Variants in KCNQ1OT1 observed in about 807,000 individuals in gnomAD.
KCNQ1OT1 encodes the protein KCNQ1 opposite strand/antisense transcript 1.
In KCNQ1OT1 at chr11:2,683,110, A is replaced by G. The variant is rs758537966; in HGVS notation, n.16885T>C. 2.7e-6 allele frequency: 1 copy of G among 375,362 alleles called. No homozygotes were observed. The highest frequency in any genetic ancestry group is 4.5e-6 in the Non-Finnish European group (1 of 221,898). The allele number at this position is 375,362 out of a possible 1,614,324, so 23.3% of individuals were successfully genotyped here. A position where few individuals can be genotyped will look rare whatever the true frequency, so the allele number is the denominator to read the frequency against. On this transcript the variant is annotated non_coding_transcript_exon_variant, in exon 1 of 1. Transcript: ENST00000597346. This position sits in a 1 kb window ranked among gnomAD's most constrained non-coding sequence, Gnocchi z 4.7. ...CTTCAGATTTTCTTGTTCCCAGGAT[A>G]TATCGCACCAACTCAGGAGGGTGTG...
At position 2,611,103 on chromosome 11, in the gene KCNQ1OT1, T is replaced by C. The variant is rs1848973802; in HGVS notation, n.88892A>G. On this transcript the variant is annotated non_coding_transcript_exon_variant, in exon 1 of 1. Transcript: ENST00000597346. The surrounding 1 kb of genome is among the most constrained non-coding windows in gnomAD (Gnocchi z 5.3). ...TTATAAATTTTTATTTCTTTATGAC[T>C]TCTGTTTATGATTTCTATTTCTTCC... The C allele has an allele frequency of 2.0e-5, 8 of 398,564 alleles. No individual in the cohort carries two copies. The highest frequency in any genetic ancestry group is 2.2e-5 in the Non-Finnish European group (5 of 226,028). The allele number at this position is 398,564 out of a possible 1,614,324, so 24.7% of individuals were successfully genotyped here. A position where few individuals can be genotyped will look rare whatever the true frequency, so the allele number is the denominator to read the frequency against.
chr11:2,631,368 G>A, exon 1 of KCNQ1OT1: 1 of 398,088 alleles, frequency 2.5e-6, no homozygotes, highest in East Asian at 3.6e-5. Context: ...GTCTGCTGCT[G>A]ATGCTTTCTA....
chr11:2,672,973 T>G, exon 1 of KCNQ1OT1: 1 of 398,774 alleles, frequency 2.5e-6, no homozygotes, highest in Non-Finnish European at 4.4e-6. Flanking sequence ...CTGAGTCCCC[T>G]GCAGGCCTTG....
chr11:2,687,248 C>A lies in KCNQ1OT1; in HGVS notation n.12747G>T. On this transcript the variant is annotated non_coding_transcript_exon_variant, in exon 1 of 1. Coordinates refer to ENST00000597346, the Ensembl canonical transcript of KCNQ1OT1. The surrounding 1 kb of genome is among the most constrained non-coding windows in gnomAD (Gnocchi z 5.0). ...AATTTTCACTCAGCCAGCATCACTA[C>A]CAGCTCCGGGCTTCTCTCCTCTGGC... 2.5e-6 allele frequency: 1 copy of A among 398,662 alleles called. No homozygotes were observed. The allele number at this position is 398,662 out of a possible 1,614,324, so 24.7% of individuals were successfully genotyped here. A position where few individuals can be genotyped will look rare whatever the true frequency, so the allele number is the denominator to read the frequency against.
Position 2,653,452 on chromosome 11 carries a change from G to A in KCNQ1OT1, n.46543C>T, listed in dbSNP as rs1044364080. ...TTAAGCACAAAAGGGACATTTTTTG[G>A]CTCACACAGCTGGACCCAGCTGTTT... On this transcript the variant is annotated non_coding_transcript_exon_variant, in exon 1 of 1. Transcript: ENST00000597346. This position sits in a 1 kb window ranked among gnomAD's most constrained non-coding sequence, Gnocchi z 5.3. The A allele has an allele frequency of 2.3e-5, 9 of 398,376 alleles. No homozygotes were observed. The East Asian group carries it at 3.2e-4, about 14-fold the overall frequency. 24.7% of individuals were successfully genotyped at this position (398,376 alleles called of 1,614,324 possible). A position where few individuals can be genotyped will look rare whatever the true frequency, so the allele number is the denominator to read the frequency against.
chr11:2,633,585 A>T (rs1849399783), exon 1 of KCNQ1OT1: 1 of 398,396 alleles, frequency 2.5e-6, no homozygotes, highest in Non-Finnish European at 4.4e-6. Flanking sequence ...TCTGCATATG[A>T]TATCCTGTTT....
In KCNQ1OT1 at chr11:2,661,636, A is replaced by T; in HGVS notation, n.38359T>A. 1.7e-6 allele frequency: 1 copy of T among 590,982 alleles called. No homozygotes were observed. The highest frequency in any genetic ancestry group is 3.0e-6 in the Non-Finnish European group (1 of 331,728). 36.6% of individuals were successfully genotyped at this position (590,982 alleles called of 1,614,324 possible). A position where few individuals can be genotyped will look rare whatever the true frequency, so the allele number is the denominator to read the frequency against. ...TCACCTCTGTTTTATTCTTGACCCA[A>T]GTGTCAGTTGTGAACATGGGAAGAG... is the stretch of plus-strand genomic sequence containing the variant. On this transcript the variant is annotated non_coding_transcript_exon_variant, in exon 1 of 1. Coordinates refer to ENST00000597346, the Ensembl canonical transcript of KCNQ1OT1. This position sits in a 1 kb window ranked among gnomAD's most constrained non-coding sequence, Gnocchi z 5.9.
In KCNQ1OT1 at chr11:2,676,363, G is replaced by A. The variant is rs985963233; in HGVS notation, n.23632C>T. 5.0e-6 allele frequency: 2 copies of A among 398,690 alleles called. No individual in the cohort carries two copies. The highest frequency in any genetic ancestry group is 1.3e-4 in the South Asian group (1 of 7,862). 24.7% of individuals were successfully genotyped at this position (398,690 alleles called of 1,614,324 possible). ...CTGTTTTCTCATGGTTGGGCTTCCAGTATAATTGGAAGGAGCATAGTCTCT... is the reference window on the plus strand; with the variant it reads ...CTGTTTTCTCATGGTTGGGCTTCCAATATAATTGGAAGGAGCATAGTCTCT... On this transcript the variant is annotated non_coding_transcript_exon_variant, in exon 1 of 1. Transcript: ENST00000597346. This position sits in a 1 kb window ranked among gnomAD's most constrained non-coding sequence, Gnocchi z 4.2.
Position 2,652,880 on chromosome 11 carries a change from T to C in KCNQ1OT1, n.47115A>G. The C allele has an allele frequency of 2.5e-6, 1 of 398,624 alleles. No individual in the cohort carries two copies. The highest frequency in any genetic ancestry group is 4.4e-6 in the Non-Finnish European group (1 of 226,106). The allele number at this position is 398,624 out of a possible 1,614,324, so 24.7% of individuals were successfully genotyped here. ...TATACTTATTCTAAGGAGAAGTGTT[T>C]GGGGTGTGGGGTGTGGTCCTCAGTA... is the stretch of plus-strand genomic sequence containing the variant. On this transcript the variant is annotated non_coding_transcript_exon_variant, in exon 1 of 1. Transcript: ENST00000597346. This position sits in a 1 kb window ranked among gnomAD's most constrained non-coding sequence, Gnocchi z 5.9.
chr11:2,622,274 A>T, exon 1 of KCNQ1OT1: 1 of 398,370 alleles, frequency 2.5e-6, no homozygotes, highest in Non-Finnish European at 4.4e-6. Flanking sequence ...AGTCTTGAGT[A>T]ATTTTCCATT....
At chr11:2,610,433 A>G (rs1057142858) in exon 1 of KCNQ1OT1, 11 of 398,234 alleles carry the variant, frequency 2.8e-5, no homozygotes, top group African/African-American at 4.1e-5. Flanking sequence ...ACCTCCTTAT[A>G]TCATATATTT....
chr11:2,699,445 ACTGAGGAGCCGCCGGGAGAGTGCCGCG>A lies in KCNQ1OT1; in HGVS notation n.523_549del, dbSNP rs1374460624. 165 of 402,264 alleles carry A rather than the reference ACTGAGGAGCCGCCGGGAGAGTGCCGCG, an allele frequency of 4.1e-4. 1 individual carries two copies. Among genetic ancestry groups the A allele is most frequent in the Non-Finnish European group, 6.5e-4 (150 of 230,876 alleles). The allele number at this position is 402,264 out of a possible 1,614,324, so 24.9% of individuals were successfully genotyped here. ...GCTGAGGAGAGTCTGGGAGAACCGC[ACTGAGGAGCCGCCGGGAGAGTGCCGCG>A]CTGAGGAGCCCCCGGGGAGAGTGCC... On this transcript the variant is annotated non_coding_transcript_exon_variant, in exon 1 of 1. Coordinates refer to ENST00000597346, the Ensembl canonical transcript of KCNQ1OT1.
rs1041841268 is a variant in KCNQ1OT1, at chr11:2,608,750, A to G, written n.91245T>C. 3 of 398,472 alleles carry G rather than the reference A, an allele frequency of 7.5e-6. No homozygotes were observed. Among genetic ancestry groups the G allele is most frequent in the African/African-American group, 6.2e-5 (3 of 48,592 alleles). The allele number at this position is 398,472 out of a possible 1,614,324, so 24.7% of individuals were successfully genotyped here. ...GCAATTCTCCTGCCTTGGCCTCCCA[A>G]AGTGCTGGGATTACAGGTGTGAGCC... is the stretch of plus-strand genomic sequence containing the variant. On this transcript the variant is annotated non_coding_transcript_exon_variant, in exon 1 of 1. Transcript: ENST00000597346. The surrounding 1 kb of genome is among the most constrained non-coding windows in gnomAD (Gnocchi z 4.6).
Position 2,683,287 on chromosome 11 carries a change from T to C in KCNQ1OT1, n.16708A>G. On this transcript the variant is annotated non_coding_transcript_exon_variant, in exon 1 of 1. Transcript: ENST00000597346. The surrounding 1 kb of genome is among the most constrained non-coding windows in gnomAD (Gnocchi z 4.7). ...TCAGCCTGAGTATGGGCAATGGCGT[T>C]TTAGTTTGCAAAACCAGACACATAG... 2.5e-6 allele frequency: 1 copy of C among 398,530 alleles called. No individual in the cohort carries two copies. The highest frequency in any genetic ancestry group is 3.6e-5 in the East Asian group (1 of 28,064). 24.7% of individuals were successfully genotyped at this position (398,530 alleles called of 1,614,324 possible).
rs1850716902 is a variant in KCNQ1OT1, at chr11:2,698,589, C to T, written n.1406G>A. Reference sequence around the variant, plus strand: ...CTGACTCAGAATCCCCACCTAGAGGCAGAACTTCGACTTCAATTCCTGACT... The same window carrying T: ...CTGACTCAGAATCCCCACCTAGAGGTAGAACTTCGACTTCAATTCCTGACT... On this transcript the variant is annotated non_coding_transcript_exon_variant, in exon 1 of 1. Coordinates refer to ENST00000597346, the Ensembl canonical transcript of KCNQ1OT1. This position sits in a 1 kb window ranked among gnomAD's most constrained non-coding sequence, Gnocchi z 5.1. 5.0e-6 allele frequency: 2 copies of T among 398,556 alleles called. No individual in the cohort carries two copies. Among genetic ancestry groups the T allele is most frequent in the Admixed American group, 8.8e-5 (2 of 22,724 alleles). The allele number at this position is 398,556 out of a possible 1,614,324, so 24.7% of individuals were successfully genotyped here. A position where few individuals can be genotyped will look rare whatever the true frequency, so the allele number is the denominator to read the frequency against.
rs959091455 is a variant in KCNQ1OT1, at chr11:2,623,121, C to G, written n.76874G>C. 1 of 398,450 alleles carries G rather than the reference C, an allele frequency of 2.5e-6. No individual in the cohort carries two copies. Among genetic ancestry groups the G allele is most frequent in the African/African-American group, 2.1e-5 (1 of 48,590 alleles). 24.7% of individuals were successfully genotyped at this position (398,450 alleles called of 1,614,324 possible). A position where few individuals can be genotyped will look rare whatever the true frequency, so the allele number is the denominator to read the frequency against. On this transcript the variant is annotated non_coding_transcript_exon_variant, in exon 1 of 1. Coordinates refer to ENST00000597346, the Ensembl canonical transcript of KCNQ1OT1. The surrounding 1 kb of genome is among the most constrained non-coding windows in gnomAD (Gnocchi z 5.2). The stretch of plus-strand genomic sequence containing the variant: ...GTTGTTTAAACGTGTGTGGCACTTC[C>G]CATCTCACTTTCTTTCCCTCTCCTG...
chr11:2,640,513 T>A lies in KCNQ1OT1; in HGVS notation n.59482A>T, dbSNP rs561169787. The A allele has an allele frequency of 5.5e-5, 22 of 397,942 alleles. No homozygotes were observed. In the East Asian group the frequency reaches 7.8e-4, roughly 14 times the overall value. The allele number at this position is 397,942 out of a possible 1,614,324, so 24.7% of individuals were successfully genotyped here. A position where few individuals can be genotyped will look rare whatever the true frequency, so the allele number is the denominator to read the frequency against. ...GTTGCCCAGGCTGGTCTTGAATTCC[T>A]GGGCTCAAGCGATCCTTCTGCCTTG... is the stretch of plus-strand genomic sequence containing the variant. On this transcript the variant is annotated non_coding_transcript_exon_variant, in exon 1 of 1. Transcript: ENST00000597346.
In KCNQ1OT1 at chr11:2,667,856, T is replaced by C. The variant is rs188347520; in HGVS notation, n.32139A>G. The C allele has an allele frequency of 1.8e-5, 7 of 398,642 alleles. No homozygotes were observed. In the East Asian group the frequency reaches 2.1e-4, roughly 12 times the overall value. The allele number at this position is 398,642 out of a possible 1,614,324, so 24.7% of individuals were successfully genotyped here. A position where few individuals can be genotyped will look rare whatever the true frequency, so the allele number is the denominator to read the frequency against. On this transcript the variant is annotated non_coding_transcript_exon_variant, in exon 1 of 1. Coordinates refer to ENST00000597346, the Ensembl canonical transcript of KCNQ1OT1. ...ACTTTTAGTTAAAGGGTAATGTGCA[T>C]GCACACAGATTAGTACACAGGTCTC...
chr11:2,621,079 G>A lies in KCNQ1OT1; in HGVS notation n.78916C>T, dbSNP rs1385303627. On this transcript the variant is annotated non_coding_transcript_exon_variant, in exon 1 of 1. Transcript: ENST00000597346. The surrounding 1 kb of genome is among the most constrained non-coding windows in gnomAD (Gnocchi z 5.7). ...TGCAACCTCCACCTCCTGGGTTCAA[G>A]CAATTCTCCTGTCTCAGACTCCTGA... 2.5e-6 allele frequency: 1 copy of A among 397,166 alleles called. No individual in the cohort carries two copies. The highest frequency in any genetic ancestry group is 4.4e-6 in the Non-Finnish European group (1 of 225,812). The allele number at this position is 397,166 out of a possible 1,614,324, so 24.6% of individuals were successfully genotyped here.
Sources: gnomAD v4.1 joint callset for allele counts on GRCh38, gnomAD v4.1.1 for gene constraint, Gnocchi (gnomAD v3.1) non-coding constraint, MANE v1.5 for transcripts, NCBI Gene and HGNC (gene_info 2026-07-23, HGNC 2026-07-21) for gene names.